The following SYT1 variants were observed in gnomAD, a reference collection of about 807,000 sequenced individuals.
The protein encoded by SYT1 is synaptotagmin 1.
SYT1 carries 8 observed loss-of-function variants against 44.8 expected under a neutral mutation model. The observed-to-expected ratio is 0.18, with a 90% CI of 0.10 to 0.32. SYT1 has a LOEUF of 0.32. Ranked by LOEUF, SYT1 falls within the 10% of genes least tolerant of loss-of-function variation. The pLI is 1.00. For synonymous variants in SYT1, 154 were observed against 188.8 expected (o/e 0.82, Z 1.51); for missense variants, 286 against 509.3 (o/e 0.56, Z 4.22).
chr12:78,985,161 A>T (rs534186084), intron 2 of SYT1, among the ~76,000 whole-genome samples: 2 of 152,044 alleles, frequency 1.3e-5, no homozygotes, highest in East Asian at 3.9e-4. Flanking sequence ...AAAGACAGCT[A>T]TTTATCTTTT....
At chr12:79,227,188 A>G (rs1875573008) in intron 4 of SYT1, among the ~76,000 whole-genome samples, 1 of 152,166 alleles carries the variant, frequency 6.6e-6, no homozygotes, top group South Asian at 2.1e-4. Context: ...AAATTGCCTG[A>G]TGATATCATC....
At chr12:79,194,534 A>G (rs1246419478) in intron 3 of SYT1, among the ~76,000 whole-genome samples, 2 of 151,938 alleles carry the variant, frequency 1.3e-5, no homozygotes, top group Non-Finnish European at 2.9e-5. Context: ...TCCTCAAGCA[A>G]TCCCCCTGCC....
intron 4 of SYT1, among the ~76,000 whole-genome samples, chr12:79,282,480 G>C (rs1346008759): frequency 1.3e-5 from 2 of 152,078 alleles, no homozygotes; most frequent in South Asian, 2.1e-4. Flanking sequence ...TGTTAAAATT[G>C]TTATTATAAA....
At chr12:78,965,662 C>T (rs1879729835) in intron 1 of SYT1, among the ~76,000 whole-genome samples, 2 of 152,158 alleles carry the variant, frequency 1.3e-5, no homozygotes, top group Non-Finnish European at 2.9e-5. Flanking sequence ...CCAACAATCA[C>T]ATAGTTAATA....
intron 2 of SYT1, among the ~76,000 whole-genome samples, chr12:79,021,936 G>A (rs961235510): frequency 6.7e-6 from 1 of 150,176 alleles, no homozygotes; most frequent in Non-Finnish European, 1.5e-5. Flanking sequence ...TATTATTTTT[G>A]TCTTCATAGC....
At chr12:79,325,711 TG>T (rs2138995000) in intron 8 of SYT1, among the ~76,000 whole-genome samples, 1 of 152,336 alleles carries the variant, frequency 6.6e-6, no homozygotes, top group East Asian at 1.9e-4. Flanking sequence ...TAGTCAGACC[TG>T]GGTTCGGATT....
At chr12:78,883,150 C>T (rs1407284371) in intron 1 of SYT1, among the ~76,000 whole-genome samples, 1 of 151,644 alleles carries the variant, frequency 6.6e-6, no homozygotes, top group Non-Finnish European at 1.5e-5. Flanking sequence ...AACAGTAATA[C>T]ACTAAATTAT....
At chr12:79,191,081 TG>T (rs5799417) in intron 3 of SYT1, among the ~76,000 whole-genome samples, 6,058 of 131,414 alleles carry the variant, frequency 0.046, 266 homozygotes, top group East Asian at 0.13. Context: ...TAATTTGTAC[TG>T]AAAAAAACAT....
At chr12:79,214,514 T>C (rs576122662) in intron 3 of SYT1, among the ~76,000 whole-genome samples, 2 of 152,340 alleles carry the variant, frequency 1.3e-5, no homozygotes, top group East Asian at 3.9e-4. Flanking sequence ...TTTCAAACTA[T>C]ATGTAGAAAT....
At chr12:79,290,654 G>C (rs1179110831) in intron 5 of SYT1, among the ~76,000 whole-genome samples, 3 of 152,130 alleles carry the variant, frequency 2.0e-5, no homozygotes, top group Non-Finnish European at 4.4e-5. Flanking sequence ...TTTGATTTCT[G>C]TGAGATTCTA....
chr12:79,256,659 A>T (rs1877535886), intron 4 of SYT1, among the ~76,000 whole-genome samples: 1 of 152,118 alleles, frequency 6.6e-6, no homozygotes, highest in South Asian at 2.1e-4. Flanking sequence ...ATGAAGGGAG[A>T]TACACTACTA....
chr12:79,289,808 A>C (rs1267467579), intron 5 of SYT1, among the ~76,000 whole-genome samples: 1 of 152,076 alleles, frequency 6.6e-6, no homozygotes, highest in Admixed American at 6.6e-5. Flanking sequence ...CACCTAAGAC[A>C]GTGTTAAAGA....
intron 3 of SYT1, among the ~76,000 whole-genome samples, chr12:79,173,335 A>G (rs980590013): frequency 9.2e-5 from 14 of 151,984 alleles, no homozygotes; most frequent in Admixed American, 8.5e-4. Flanking sequence ...GACAGTAAGA[A>G]CCCTAAATGT....
intron 3 of SYT1, among the ~76,000 whole-genome samples, chr12:79,118,849 A>G (rs770481226): frequency 2.6e-5 from 4 of 152,160 alleles, no homozygotes; most frequent in African/African-American, 9.7e-5. Context: ...TTCAATTGCT[A>G]CTTATATACT....
intron 9 of SYT1, among the ~76,000 whole-genome samples, chr12:79,369,748 G>A (rs932923893): frequency 1.3e-5 from 2 of 151,842 alleles, no homozygotes; most frequent in African/African-American, 4.8e-5. Context: ...TTTTAAAATT[G>A]ACTTGGCCTC....
At chr12:79,160,956 G>A (rs1336608744) in intron 3 of SYT1, among the ~76,000 whole-genome samples, 1 of 152,134 alleles carries the variant, frequency 6.6e-6, no homozygotes, top group African/African-American at 2.4e-5. Context: ...GACTGGGCCA[G>A]GCGCAGTGGC....
intron 3 of SYT1, among the ~76,000 whole-genome samples, chr12:79,109,288 G>T (rs188366176): frequency 2.4e-4 from 36 of 152,228 alleles, no homozygotes; most frequent in African/African-American, 8.4e-4. Context: ...ATCATATGCC[G>T]GATACTGTGT....
chr12:79,350,246 CTTTTTTTTTTT>C (rs1166413638), intron 8 of SYT1, among the ~76,000 whole-genome samples: 7 of 97,532 alleles, frequency 7.2e-5, no homozygotes, highest in African/African-American at 2.1e-4. Flanking sequence ...GATGCATATT[CTTTTTTTTTTT>C]TTTTTTTTTT....
intron 3 of SYT1, among the ~76,000 whole-genome samples, chr12:79,212,471 C>T (rs1005653000): frequency 7.0e-6 from 1 of 143,318 alleles, no homozygotes; most frequent in African/African-American, 2.6e-5. Flanking sequence ...ACATTCTGCA[C>T]ATATATCCCA....
Sources: allele counts gnomAD v4.1 joint callset (sites outside exome capture counted in the v4.1 genomes callset), GRCh38; gene constraint gnomAD v4.1.1; transcripts MANE v1.5; gene names NCBI Gene and HGNC (gene_info 2026-07-23, HGNC 2026-07-21).